Variants in GALNT13 observed in about 807,000 individuals in gnomAD.
GALNT13 encodes the protein UDP-GalNAc:polypeptide N-acetylgalactosaminyltransferase 13.
GALNT13 carries 28 observed loss-of-function variants against 64.2 expected under a neutral mutation model. The observed-to-expected ratio is 0.44, with a 90% CI of 0.32 to 0.60. The LOEUF is 0.60. GALNT13 is among the 20% of genes least tolerant of loss of function. GALNT13 has a pLI of 0.05. For missense variants in GALNT13, 577 were observed against 669.8 expected, an observed-to-expected ratio of 0.86 and a Z score of 1.53; for synonymous variants, 214 against 224.6, an observed-to-expected ratio of 0.95 and a Z score of 0.42.
At chr2:154,228,372 G>C (rs1480897572) in intron 4 of GALNT13, among the ~76,000 whole-genome samples, 2 of 152,108 alleles carry the variant, frequency 1.3e-5, no homozygotes, top group African/African-American at 4.8e-5. Flanking sequence ...GTTGCACTGT[G>C]ATCCATGAAC....
chr2:153,700,534 A>C, the GALNT13 span, among the ~76,000 whole-genome samples: 1 of 152,162 alleles, frequency 6.6e-6, no homozygotes, highest in Non-Finnish European at 1.5e-5. Flanking sequence ...TTCAAGTAGG[A>C]AGAGAGGAAG....
At chr2:153,498,454 G>A in the GALNT13 span, among the ~76,000 whole-genome samples, 1 of 152,246 alleles carries the variant, frequency 6.6e-6, no homozygotes, top group South Asian at 2.1e-4. Context: ...CTAGGGGTAT[G>A]TAGGCGAGTG....
intron 9 of GALNT13, among the ~76,000 whole-genome samples, chr2:154,354,187 A>G (rs770591578): frequency 6.6e-6 from 1 of 152,014 alleles, no homozygotes; most frequent in Non-Finnish European, 1.5e-5. Context: ...ACCTGTTGGC[A>G]TTTTTATATC....
chr2:154,408,844 T>C lies in GALNT13; in HGVS notation c.1297-140T>C, dbSNP rs1699667036. The C allele has an allele frequency of 6.4e-6, 4 of 628,048 alleles. No homozygotes were observed. The South Asian group carries it at 7.9e-5, about 12-fold the overall frequency. 38.9% of individuals were successfully genotyped at this position (628,048 alleles called of 1,614,324 possible). A position where few individuals can be genotyped will look rare whatever the true frequency, so the allele number is the denominator to read the frequency against. On this transcript the variant is annotated intron_variant, in intron 10 of 12. Transcript: ENST00000392825. ...CACTGAAAAAGACAAATATTTAAAG[T>C]AATATGTTTTTCTTGGAGAAATTTT...
At chr2:153,674,958 C>G in the GALNT13 span, among the ~76,000 whole-genome samples, 1 of 152,310 alleles carries the variant, frequency 6.6e-6, no homozygotes, top group East Asian at 1.9e-4. Flanking sequence ...CTCATTATCA[C>G]TGGTTATCAG....
At chr2:154,319,731 C>T (rs1671632085) in intron 9 of GALNT13, among the ~76,000 whole-genome samples, 1 of 151,490 alleles carries the variant, frequency 6.6e-6, no homozygotes, top group African/African-American at 2.4e-5. Context: ...TTTGATGATA[C>T]TTTATTCTAA....
At chr2:153,882,495 G>T (rs1686851879) in intron 1 of GALNT13, among the ~76,000 whole-genome samples, 1 of 152,066 alleles carries the variant, frequency 6.6e-6, no homozygotes. Context: ...GAAAAACAAT[G>T]CCTCTTTTAT....
chr2:153,368,951 G>T, the GALNT13 span, among the ~76,000 whole-genome samples: 1 of 151,032 alleles, frequency 6.6e-6, no homozygotes, highest in East Asian at 1.9e-4. Flanking sequence ...AAATTTGAAA[G>T]AATAGAAATC....
intron 10 of GALNT13, 26 bp from the exon 11 acceptor site, chr2:154,408,958 C>A: frequency 1.5e-6 from 2 of 1,364,842 alleles, no homozygotes; most frequent in Non-Finnish European, 2.1e-6. Flanking sequence ...ATGTTTTATC[C>A]CCCCCCTTTT....
chr2:154,276,445 A>G (rs1314771389), intron 8 of GALNT13, among the ~76,000 whole-genome samples: 1 of 152,102 alleles, frequency 6.6e-6, no homozygotes, highest in Non-Finnish European at 1.5e-5. Flanking sequence ...CATATTGGCC[A>G]GGCTTGTCTT....
At chr2:153,507,364 T>G in the GALNT13 span, among the ~76,000 whole-genome samples, 2 of 152,116 alleles carry the variant, frequency 1.3e-5, no homozygotes. Context: ...CACTGCAAGC[T>G]CTGCTTCCCA....
At chr2:153,241,663 A>G in the GALNT13 span, among the ~76,000 whole-genome samples, 126,152 of 151,024 alleles carry the variant, frequency 0.84, 53,844 homozygotes, top group African/African-American at 0.93. Context: ...GTGTATGTGT[A>G]TGTGTGTGTG....
the GALNT13 span, among the ~76,000 whole-genome samples, chr2:153,789,770 A>C: frequency 4.6e-5 from 7 of 152,180 alleles, no homozygotes; most frequent in Non-Finnish European, 8.8e-5. Flanking sequence ...ACCCCCCAGA[A>C]AAACACATAA....
Position 154,309,603 on chromosome 2 carries a change from T to C in GALNT13, c.1156+8014T>C, listed in dbSNP as rs1041076614. ...CACTTTTGAAGTAACTAATCCAGTC[T>C]TGTGAGAGCAAGAACTCACTCCATG... On this transcript the variant is annotated intron_variant, in intron 9 of 12. Coordinates refer to ENST00000392825, the MANE Select transcript of GALNT13 (RefSeq NM_052917.4). Among the ~76,000 whole-genome samples, 7 of 152,162 alleles carry C rather than the reference T, an allele frequency of 4.6e-5. No homozygotes were observed. The East Asian group carries it at 9.6e-4, about 21-fold the overall frequency.
the GALNT13 span, among the ~76,000 whole-genome samples, chr2:153,848,884 G>C: frequency 6.6e-6 from 1 of 151,522 alleles, no homozygotes; most frequent in African/African-American, 2.4e-5. Context: ...TACAATGTAT[G>C]TATAAAGTAA....
chr2:153,812,451 T>A, the GALNT13 span, among the ~76,000 whole-genome samples: 1 of 152,152 alleles, frequency 6.6e-6, no homozygotes, highest in Non-Finnish European at 1.5e-5. Flanking sequence ...GAAGGGAAAC[T>A]AATACTTAAA....
chr2:154,235,044 G>T (rs150173245), intron 4 of GALNT13, among the ~76,000 whole-genome samples: 1 of 152,050 alleles, frequency 6.6e-6, no homozygotes, highest in Non-Finnish European at 1.5e-5. Flanking sequence ...GTCCAGCACC[G>T]CTATCTCCCA....
the GALNT13 span, among the ~76,000 whole-genome samples, chr2:153,832,927 T>A: frequency 3.3e-5 from 5 of 152,200 alleles, no homozygotes; most frequent in African/African-American, 1.2e-4. Context: ...AGTAGTCCCC[T>A]TTTATCCTCT....
At chr2:154,240,790 G>C (rs112117301) in intron 4 of GALNT13, among the ~76,000 whole-genome samples, 3,185 of 152,280 alleles carry the variant, frequency 0.021, 82 homozygotes, top group African/African-American at 0.064. Context: ...GGGGTTCTTG[G>C]CTTGGTGTAC....
Sources: allele counts gnomAD v4.1 joint callset (sites outside exome capture counted in the v4.1 genomes callset), GRCh38; gene constraint gnomAD v4.1.1; transcripts MANE v1.5; gene names NCBI Gene and HGNC (gene_info 2026-07-23, HGNC 2026-07-21).